H2BC18: variants seen among roughly 807,000 people sequenced by gnomAD.
H2BC18 encodes the protein H2B clustered histone 18, also known as histone H2B type 2-F.
Under a neutral mutation model 6.3 loss-of-function variants are expected in H2BC18, and 8 were observed. That is an observed-to-expected ratio of 1.28 (90% CI 0.75 to 2.31). The LOEUF is 2.31. H2BC18 is among the 30% of genes most tolerant of loss of function. The pLI is 0.00. For synonymous variants in H2BC18, 104 were observed against 78.1 expected, an observed-to-expected ratio of 1.33 and a Z score of -1.75; for missense variants, 106 against 174.5, an observed-to-expected ratio of 0.61 and a Z score of 2.21.
chr1:149,788,285 A>G, intron 1 of H2BC18: 1 of 1,609,856 alleles, frequency 6.2e-7, no homozygotes, highest in Non-Finnish European at 8.5e-7. Flanking sequence ...AGGAGAAAAA[A>G]TAGGAAGCCC....
In H2BC18 at chr1:149,812,164, C is replaced by T. The variant is rs2101508495; in HGVS notation, c.160G>A (p.Gly54Ser). The change falls in exon 1 of 1, where the codon GGC (glycine) becomes AGC (serine). Residue 54 changes from glycine (G) to serine (S), a missense_variant. Physicochemically the swap from Gly to Ser is moderately conservative, Grantham distance 56. Transcript: ENST00000369167. Reference sequence around the variant, plus strand: ...ATGCCCATGGCCTTGGACGAGATGCCGGTGTCGGGGTGGACCTGCTTCAGC... The same window carrying T: ...ATGCCCATGGCCTTGGACGAGATGCTGGTGTCGGGGTGGACCTGCTTCAGC... ...KVLKQVHPDT[G>S]ISSKAMGIMN... 6.2e-7 allele frequency: 1 copy of T among 1,614,240 alleles called. No individual in the cohort carries two copies. The highest frequency in any genetic ancestry group is 8.5e-7 in the Non-Finnish European group (1 of 1,180,040).
At chr1:149,803,814 A>T (rs2091894144) in intron 1 of H2BC18, 1 of 152,234 alleles carries the variant, frequency 6.6e-6, no homozygotes, top group South Asian at 2.1e-4. Context: ...TCTTGACCAA[A>T]GAAAAGAAAT....
chr1:149,790,032 C>T (rs827372), intron 1 of H2BC18: 2 of 1,611,704 alleles, frequency 1.2e-6, no homozygotes, highest in Non-Finnish European at 1.7e-6. Context: ...GCAACCTTGT[C>T]CCCCATCAAC....
At chr1:149,802,222 TCTC>T (rs2091879819) in intron 1 of H2BC18, among the ~76,000 whole-genome samples, 1 of 151,890 alleles carries the variant, frequency 6.6e-6, no homozygotes, top group African/African-American at 2.4e-5. Flanking sequence ...CCATGAAAAA[TCTC>T]CTACAAAGAC....
intron 1 of H2BC18, among the ~76,000 whole-genome samples, chr1:149,794,272 G>A (rs587622541): frequency 1.3e-5 from 2 of 151,620 alleles, no homozygotes; most frequent in East Asian, 1.9e-4. Flanking sequence ...AAGAGAAGGG[G>A]GGGGAACACG....
chr1:149,811,883 G>A lies in H2BC18; in HGVS notation c.*60C>T. Reference sequence around the variant, plus strand: ...TACAGCTGCTTTCTCGATTACTGAAGTGGCTCTGAAAAGAGCCTTTGGGGT... The same window carrying A: ...TACAGCTGCTTTCTCGATTACTGAAATGGCTCTGAAAAGAGCCTTTGGGGT... On this transcript the variant is annotated 3_prime_UTR_variant, in exon 1 of 1. Coordinates refer to ENST00000369167, the MANE Select transcript of H2BC18 (RefSeq NM_001024599.5). 9 of 1,432,150 alleles carry A rather than the reference G, an allele frequency of 6.3e-6. No individual in the cohort carries two copies. The highest frequency in any genetic ancestry group is 1.9e-5 in the Admixed American group (1 of 53,984). 88.7% of individuals were successfully genotyped at this position (1,432,150 alleles called of 1,614,324 possible).
intron 1 of H2BC18, chr1:149,790,425 GC>G (rs1362777870): frequency 6.5e-7 from 1 of 1,545,380 alleles, no homozygotes; most frequent in East Asian, 2.4e-5. Flanking sequence ...AGGGTTTTTG[GC>G]CCAGACAGGA....
chr1:149,811,654 C>CG (rs782563678), downstream of H2BC18: 51 of 494,982 alleles, frequency 1.0e-4, no homozygotes, highest in Non-Finnish European at 1.7e-4. Flanking sequence ...TCCCTCCATC[C>CG]CTCCCAAATA....
In H2BC18 at chr1:149,793,368, C is replaced by A. The variant is rs1571403747; in HGVS notation, c.378-10108G>T. On this transcript the variant is annotated intron_variant, in intron 1 of 1. Coordinates refer to the H2BC18 transcript ENST00000545683. ...AAGGGAGCTGGCTCGGCGGGATCAG[C>A]AAGCCAGCGGGCAAGAAGGCTCCAG... is the stretch of plus-strand genomic sequence containing the variant. Among the ~76,000 whole-genome samples the A allele has an allele frequency of 2.6e-5, 4 of 152,064 alleles. No individual in the cohort carries two copies. The South Asian group carries it at 6.2e-4, about 24-fold the overall frequency.
downstream of H2BC18, among the ~76,000 whole-genome samples, chr1:149,810,003 A>C (rs1401403874): frequency 6.6e-6 from 1 of 150,986 alleles, no homozygotes; most frequent in Middle Eastern, 3.4e-3. Flanking sequence ...GGTGGCCTTT[A>C]GTGTCAGGAT....
intron 1 of H2BC18, among the ~76,000 whole-genome samples, chr1:149,799,599 G>A (rs1284323014): frequency 6.6e-6 from 1 of 152,014 alleles, no homozygotes; most frequent in African/African-American, 2.4e-5. Flanking sequence ...ATTGTGCAGT[G>A]CACAATCAGC....
intron 1 of H2BC18, among the ~76,000 whole-genome samples, chr1:149,796,437 G>T (rs1432991326): frequency 1.3e-5 from 2 of 152,198 alleles, no homozygotes; most frequent in African/African-American, 4.8e-5. Flanking sequence ...CAGTGAAACA[G>T]CAGTCCTCTG....
downstream of H2BC18, chr1:149,811,352 T>C (rs1476495081): frequency 6.3e-6 from 1 of 158,686 alleles, no homozygotes; most frequent in East Asian, 1.9e-4. Context: ...TATATCTCCC[T>C]GTTTGAAGTC....
At position 149,812,292 on chromosome 1, in the gene H2BC18, G is replaced by A. The variant is rs141244937; in HGVS notation, c.32C>T (p.Pro11Leu). Residue 11 changes from proline (P) to leucine (L), a missense_variant, in exon 1 of 1, where the codon CCC becomes CTC. Around this residue, in one of 3 missense-constraint regions of H2BC18, gnomAD observed 70 missense variants for 64.6 expected, o/e 1.08. Coordinates refer to ENST00000369167, the MANE Select transcript of H2BC18 (RefSeq NM_001024599.5). ...AACAGCCTTTTTGGAGCCCTTCTTG[G>A]GAGCAGGAGCGGATTTCGCTGGATC... MPDPAKSAPAPKKGSKKAVTK... is the reference protein window; with the variant it reads MPDPAKSAPALKKGSKKAVTK... 1.5e-5 allele frequency: 24 copies of A among 1,614,098 alleles called. No individual in the cohort carries two copies. Among genetic ancestry groups the A allele is most frequent in the Middle Eastern group, 1.6e-4 (1 of 6,084 alleles).
chr1:149,812,341 G>T lies in H2BC18; in HGVS notation c.-18C>A. The T allele has an allele frequency of 6.2e-7, 1 of 1,614,106 alleles. No individual in the cohort carries two copies. The highest frequency in any genetic ancestry group is 8.5e-7 in the Non-Finnish European group (1 of 1,180,006). On this transcript the variant is annotated 5_prime_UTR_variant, in exon 1 of 1. Coordinates refer to ENST00000369167, the MANE Select transcript of H2BC18 (RefSeq NM_001024599.5). ...TCCGGCATTTTTGCGCGAAAAAAGA[G>T]AAAAGAGACTTAAAGAAGTAATCCG...
intron 1 of H2BC18, chr1:149,791,202 A>T: frequency 6.2e-7 from 1 of 1,606,146 alleles, no homozygotes; most frequent in Non-Finnish European, 8.5e-7. Context: ...TGGTCTCTAA[A>T]TAGTATCTCT....
downstream of H2BC18, among the ~76,000 whole-genome samples, chr1:149,807,483 C>A (rs1464120957): frequency 1.8e-5 from 2 of 109,454 alleles, no homozygotes; most frequent in Non-Finnish European, 3.4e-5. Flanking sequence ...CAGAGCAAGA[C>A]CCTGTCTGGG....
intron 1 of H2BC18, among the ~76,000 whole-genome samples, chr1:149,785,230 C>T (rs1384109782): frequency 9.2e-5 from 14 of 152,198 alleles, no homozygotes; most frequent in Non-Finnish European, 2.1e-4. Flanking sequence ...AAAAGTCAAT[C>T]CACACTGGAG....
At chr1:149,783,972 T>C (rs1196982029) in intron 1 of H2BC18, 1 of 1,580,498 alleles carries the variant, frequency 6.3e-7, no homozygotes, top group East Asian at 2.3e-5. Context: ...CACTTGATCT[T>C]TTTCTTTTTC....
Sources: gnomAD v4.1 joint callset for allele counts (sites outside exome capture counted in the v4.1 genomes callset) on GRCh38, gnomAD v4.1.1 for gene constraint, gnomAD v4.1.1 regional missense constraint, MANE v1.5 for transcripts, NCBI Gene and HGNC (gene_info 2026-07-23, HGNC 2026-07-21) for gene names.